The following USH1C variants were observed in gnomAD, a reference collection of about 807,000 sequenced individuals.
USH1C encodes harmonin.
A neutral mutation model predicts 119.3 loss-of-function variants in USH1C; 90 were observed. The ratio of observed to expected loss-of-function variants is 0.75; its 90% CI spans 0.64 to 0.90. The LOEUF (loss-of-function observed/expected upper bound fraction) is 0.90, where lower values mean the gene tolerates loss of function less well. USH1C is among the 40% of genes least tolerant of loss of function. USH1C has a pLI of 0.00. For synonymous variants in USH1C, 465 were observed against 443.3 expected, an observed-to-expected ratio of 1.05 and a Z score of -0.62; for missense variants, 1,165 against 1,167.7, an observed-to-expected ratio of 1.00 and a Z score of 0.03.
chr11:17,519,325 G>A (rs1028453067), intron 14 of USH1C, among the ~76,000 whole-genome samples: 3 of 152,350 alleles, frequency 2.0e-5, no homozygotes, highest in East Asian at 1.9e-4. Context: ...GCAGGCGGGG[G>A]TCATCCATCC....
In USH1C at chr11:17,521,384, T is replaced by A. The variant is rs1363485726; in HGVS notation, c.1047A>T (p.Ala349=). The A allele has an allele frequency of 6.2e-7, 1 of 1,614,214 alleles. No homozygotes were observed. The highest frequency in any genetic ancestry group is 1.1e-5 in the South Asian group (1 of 91,072). ...RQRRKEIAQK[A]AEENERYRKE... is the part of the protein sequence containing the mutation. ...TCCGGTATCTCTCATTTTCCTCTGC[T>A]GCCTTCTGGGCAATTTCTTTTCTCC... Residue 349 remains alanine (A), a synonymous_variant, in exon 13 of 27, where the codon GCA becomes GCT. Transcript: ENST00000005226.
chr11:17,541,620 G>T (rs1478579673), intron 1 of USH1C, among the ~76,000 whole-genome samples: 8 of 152,352 alleles, frequency 5.3e-5, no homozygotes, highest in African/African-American at 1.7e-4. Context: ...GTTCTCTGAG[G>T]GAGAAAACAG....
intron 11 of USH1C, 27 bp from the exon 12 acceptor site, chr11:17,522,953 T>C: frequency 6.2e-7 from 1 of 1,604,190 alleles, no homozygotes; most frequent in Non-Finnish European, 8.5e-7. Flanking sequence ...GGCCCCTTGC[T>C]CAGCCCCCGG....
At chr11:17,536,531 C>G (rs1001673668) in intron 1 of USH1C, among the ~76,000 whole-genome samples, 2 of 152,200 alleles carry the variant, frequency 1.3e-5, no homozygotes, top group Admixed American at 1.3e-4. Flanking sequence ...CTGAAGGTCC[C>G]GGGCTCCTGG....
At chr11:17,524,043 T>C (rs1002964063) in intron 9 of USH1C, among the ~76,000 whole-genome samples, 4 of 152,242 alleles carry the variant, frequency 2.6e-5, no homozygotes. Flanking sequence ...ATCCCAGCCC[T>C]ACCATATGAG....
chr11:17,504,736 T>C lies in USH1C; in HGVS notation c.2134-39A>G, dbSNP rs760457471. On this transcript the variant is annotated intron_variant, in intron 19 of 26. Coordinates refer to ENST00000005226, the MANE Select transcript of USH1C (RefSeq NM_153676.4). ...AAAAAAAAAGTTCCACATTGGATGTTACCAATAGGTCTTGGCTGCCCCCTG... is the reference window on the plus strand; with the variant it reads ...AAAAAAAAAGTTCCACATTGGATGTCACCAATAGGTCTTGGCTGCCCCCTG... 2.7e-5 allele frequency: 44 copies of C among 1,608,580 alleles called. No homozygotes were observed. The South Asian group carries it at 4.7e-4, about 17-fold the overall frequency.
intron 14 of USH1C, chr11:17,516,583 G>C (rs1171569759): frequency 2.2e-6 from 1 of 459,338 alleles, no homozygotes; most frequent in Non-Finnish European, 4.0e-6. Flanking sequence ...GAACATCAAA[G>C]AGAAAACCCC....
intron 26 of USH1C, 45 bp downstream of exon 26, chr11:17,495,524 A>G: frequency 6.3e-7 from 1 of 1,583,854 alleles, no homozygotes; most frequent in Non-Finnish European, 8.7e-7. Context: ...GGCCACTGCA[A>G]GCAGCAGGGA....
Position 17,509,615 on chromosome 11 carries a change from G to T in USH1C, c.1754C>A (p.Ser585Tyr). Residue 585 changes from serine (S) to tyrosine (Y), a missense_variant, in exon 18 of 27, where the codon TCT (serine) becomes TAT (tyrosine). Ser to Tyr is a moderately radical substitution (Grantham distance 144). Coordinates refer to ENST00000005226, the MANE Select transcript of USH1C (RefSeq NM_153676.4). Reference sequence around the variant, plus strand: ...AGAGGATGAGGCGCTCACATGGCCAGATAAGGGAAGGACAGGGGGCGCCGG... The same window carrying T: ...AGAGGATGAGGCGCTCACATGGCCATATAAGGGAAGGACAGGGGGCGCCGG... ...KVPAPPVLPL[S>Y]GHVSASSSPW... The T allele has an allele frequency of 6.3e-7, 1 of 1,595,074 alleles. No homozygotes were observed. Among genetic ancestry groups the T allele is most frequent in the Non-Finnish European group, 8.5e-7 (1 of 1,174,222 alleles).
intron 21 of USH1C, 112 bp from the exon 22 acceptor site, chr11:17,501,647 A>G (rs1011803363): frequency 5.4e-6 from 7 of 1,293,186 alleles, no homozygotes; most frequent in South Asian, 1.3e-5. Context: ...CACAGAGCAC[A>G]TGGGCAAGGG....
At chr11:17,540,349 G>T (rs7111978) in intron 1 of USH1C, among the ~76,000 whole-genome samples, 1 of 151,594 alleles carries the variant, frequency 6.6e-6, no homozygotes, top group East Asian at 1.9e-4. Context: ...CAGCAATCAC[G>T]CCCTGCTTCT....
intron 18 of USH1C, 127 bp from the exon 19 acceptor site, chr11:17,506,076 G>C: frequency 1.5e-6 from 2 of 1,371,904 alleles, no homozygotes. Context: ...TCATTCAACT[G>C]CTCGAGGTCC....
chr11:17,513,281 C>A (rs957046329), intron 15 of USH1C, among the ~76,000 whole-genome samples: 1 of 152,158 alleles, frequency 6.6e-6, no homozygotes, highest in Non-Finnish European at 1.5e-5. Flanking sequence ...GCAGAGACAG[C>A]CCACACCCTG....
chr11:17,534,654 C>T lies in USH1C; in HGVS notation c.37-1332G>A, dbSNP rs528208937. The stretch of plus-strand genomic sequence containing the variant: ...CTTTGGGAGGCCGAGGTGGGCAGAT[C>T]ACCTGAGATCAGGAGTTTGAGACCA... On this transcript the variant is annotated intron_variant, in intron 1 of 26. Coordinates refer to ENST00000005226, the MANE Select transcript of USH1C (RefSeq NM_153676.4). 1.6e-3 allele frequency among the ~76,000 whole-genome samples: 238 copies of T among 152,290 alleles called. 2 individuals are homozygous for T. The highest frequency in any genetic ancestry group is 5.3e-3 in the African/African-American group (220 of 41,560).
At chr11:17,504,109 T>C (rs1048992405) in intron 20 of USH1C, among the ~76,000 whole-genome samples, 1 of 152,190 alleles carries the variant, frequency 6.6e-6, no homozygotes, top group Non-Finnish European at 1.5e-5. Flanking sequence ...GCTGCCTGCC[T>C]GATGCCACTC....
At chr11:17,507,573 C>T (rs571698572) in intron 18 of USH1C, among the ~76,000 whole-genome samples, 10 of 152,346 alleles carry the variant, frequency 6.6e-5, no homozygotes, top group African/African-American at 1.9e-4. Flanking sequence ...CCACGATGTG[C>T]CTGCCACTCT....
At chr11:17,524,599 G>A (rs1850575636) in intron 8 of USH1C, 64 bp from the exon 9 acceptor site, 1 of 1,527,556 alleles carries the variant, frequency 6.5e-7, no homozygotes, top group Admixed American at 2.0e-5. Flanking sequence ...TCAGGATACA[G>A]GTCACTCATG....
At chr11:17,504,822 C>A (rs1849587611) in intron 19 of USH1C, 125 bp from the exon 20 acceptor site, 2 of 959,216 alleles carry the variant, frequency 2.1e-6, no homozygotes, top group South Asian at 2.7e-5. Flanking sequence ...CCCGAGCAGT[C>A]TGGCTTACGT....
intron 23 of USH1C, among the ~76,000 whole-genome samples, chr11:17,499,815 C>G (rs1221458752): frequency 6.6e-6 from 1 of 152,218 alleles, no homozygotes; most frequent in Non-Finnish European, 1.5e-5. Context: ...CCCCAAGGGC[C>G]TTTCCCATCC....
Sources: allele counts gnomAD v4.1 joint callset (sites outside exome capture counted in the v4.1 genomes callset), GRCh38; gene constraint gnomAD v4.1.1; transcripts MANE v1.5; gene names NCBI Gene and HGNC (gene_info 2026-07-23, HGNC 2026-07-21).